ESRRG: variants seen among roughly 807,000 people sequenced by gnomAD.
ESRRG encodes estrogen related receptor gamma, also known as estrogen-related receptor gamma.
ESRRG carries 13 observed loss-of-function variants against 44.0 expected under a neutral mutation model. That is an observed-to-expected ratio of 0.30 (90% confidence interval 0.19 to 0.47). The LOEUF is 0.47. Among genes scored for constraint, ESRRG ranks in the 20% least tolerant of loss-of-function variants. ESRRG has a pLI of 1.00. For synonymous variants in ESRRG, 215 were observed against 214.6 expected (o/e 1.00, Z -0.02); for missense variants, 395 against 580.6 (o/e 0.68, Z 3.29).
chr1:216,527,930 G>A (rs1338284136), intron 5 of ESRRG, among the ~76,000 whole-genome samples: 3 of 152,086 alleles, frequency 2.0e-5, no homozygotes, highest in Non-Finnish European at 2.9e-5. Context: ...GTGGTTTGCT[G>A]TGTTCTAGAT....
At chr1:216,686,514 C>G (rs1279846441) in intron 1 of ESRRG, among the ~76,000 whole-genome samples, 1 of 149,738 alleles carries the variant, frequency 6.7e-6, no homozygotes, top group Non-Finnish European at 1.5e-5. Flanking sequence ...GTAGAAGCCA[C>G]TGAAAAGCCA....
chr1:217,042,169 T>A (rs192368936), intron 1 of ESRRG, among the ~76,000 whole-genome samples: 1 of 152,344 alleles, frequency 6.6e-6, no homozygotes, highest in Non-Finnish European at 1.5e-5. Context: ...CTATTTGTTT[T>A]TCTTGAATCA....
At chr1:216,813,060 C>G (rs540514866) in intron 2 of ESRRG, among the ~76,000 whole-genome samples, 1 of 152,212 alleles carries the variant, frequency 6.6e-6, no homozygotes, top group South Asian at 2.1e-4. Context: ...AGAGGAGTAA[C>G]TAGAATTAAG....
At chr1:217,005,739 T>G (rs2077654980) in intron 1 of ESRRG, among the ~76,000 whole-genome samples, 1 of 151,862 alleles carries the variant, frequency 6.6e-6, no homozygotes, top group African/African-American at 2.4e-5. Context: ...AAAAAATTTT[T>G]AATAGTAGGT....
chr1:216,744,055 T>TC (rs2091084173), intron 2 of ESRRG, among the ~76,000 whole-genome samples: 1 of 152,098 alleles, frequency 6.6e-6, no homozygotes, highest in Admixed American at 6.6e-5. Flanking sequence ...CCTCTTTTTA[T>TC]CTAAGTGATG....
intron 3 of ESRRG, among the ~76,000 whole-genome samples, chr1:216,575,387 C>T (rs145672107): frequency 1.3e-5 from 2 of 152,050 alleles, no homozygotes; most frequent in Non-Finnish European, 2.9e-5. Context: ...CAGTCTTTAA[C>T]TCATCATACC....
chr1:216,753,205 C>T (rs1045258062), intron 2 of ESRRG, among the ~76,000 whole-genome samples: 3 of 151,806 alleles, frequency 2.0e-5, no homozygotes, highest in African/African-American at 7.3e-5. Flanking sequence ...CAGAGTAGTA[C>T]CTGTCATTAG....
At chr1:216,726,306 A>G (rs910648122), upstream of ESRRG, among the ~76,000 whole-genome samples, 2 of 151,858 alleles carry the variant, frequency 1.3e-5, no homozygotes, top group African/African-American at 4.8e-5. Flanking sequence ...TACTGTCTTG[A>G]ATCCAGTTTA....
rs180695327 is a variant in ESRRG at position 216,865,481 on chromosome 1, A to C, written c.-14+74101T>G. Among the ~76,000 whole-genome samples, 48 of 152,074 alleles carry C rather than the reference A, an allele frequency of 3.2e-4. No individual in the cohort carries two copies. In the East Asian group the frequency reaches 8.3e-3, roughly 26 times the overall value. ...GAAACACATTTACAAAGTATGCTGT[A>C]GTGGGAACTAGCCAAGCTTCCTACC... On this transcript the variant is annotated intron_variant, in intron 2 of 7. Coordinates refer to the ESRRG transcript ENST00000359162.
intron 2 of ESRRG, among the ~76,000 whole-genome samples, chr1:216,740,215 C>A (rs1423954717): frequency 6.6e-6 from 1 of 152,160 alleles, no homozygotes; most frequent in African/African-American, 2.4e-5. Context: ...AAGGCTAAAT[C>A]AGTTTACAAA....
intron 1 of ESRRG, among the ~76,000 whole-genome samples, chr1:217,005,395 A>T (rs114746502): frequency 0.021 from 3,137 of 152,242 alleles, 47 homozygotes; most frequent in Middle Eastern, 0.068. Context: ...AAATGATTGG[A>T]GGTTTGCCCA....
chr1:216,818,169 A>C (rs148193337), intron 2 of ESRRG, among the ~76,000 whole-genome samples: 189 of 152,348 alleles, frequency 1.2e-3, no homozygotes, highest in Non-Finnish European at 2.2e-3. Flanking sequence ...AACCTCCTGA[A>C]ACAGCTTTTT....
At chr1:216,611,455 G>A (rs961710895) in intron 3 of ESRRG, among the ~76,000 whole-genome samples, 5 of 152,082 alleles carry the variant, frequency 3.3e-5, no homozygotes, top group East Asian at 3.9e-4. Context: ...TCTACTTAAT[G>A]TAACACACAT....
intron 2 of ESRRG, among the ~76,000 whole-genome samples, chr1:216,656,709 A>G (rs1299855615): frequency 6.6e-6 from 1 of 152,220 alleles, no homozygotes; most frequent in East Asian, 1.9e-4. Context: ...CCTGAATAAC[A>G]TCACTCCCAC....
intron 5 of ESRRG, among the ~76,000 whole-genome samples, chr1:216,536,604 G>T (rs1572508499): frequency 6.6e-6 from 1 of 151,956 alleles, no homozygotes; most frequent in South Asian, 2.1e-4. Context: ...TGTTGTGATG[G>T]TTTCTCTCTG....
rs1420730880 is a variant in ESRRG, at chr1:216,593,498, G to A, written c.590-25400C>T. Among the ~76,000 whole-genome samples the A allele has an allele frequency of 3.9e-5, 6 of 152,152 alleles. No homozygotes were observed. In the South Asian group the frequency reaches 1.0e-3, roughly 26 times the overall value. On this transcript the variant is annotated intron_variant, in intron 3 of 6. Transcript: ENST00000408911. ...CATCTAGGACAACTAGGCTAACCAC[G>A]GTTTAGAAGATTAGATTCTGATAAC...
intron 2 of ESRRG, among the ~76,000 whole-genome samples, chr1:216,761,430 A>G (rs1576261656): frequency 6.6e-6 from 1 of 152,042 alleles, no homozygotes; most frequent in African/African-American, 2.4e-5. Flanking sequence ...GTAATCTTAT[A>G]TCTTGACTCA....
intron 2 of ESRRG, among the ~76,000 whole-genome samples, chr1:216,754,721 T>C (rs2092335900): frequency 7.0e-6 from 1 of 142,048 alleles, no homozygotes; most frequent in South Asian, 2.2e-4. Context: ...TTTTTTTTTT[T>C]GCCACATTTT....
At chr1:216,637,805 A>G (rs955728528) in intron 3 of ESRRG, among the ~76,000 whole-genome samples, 8 of 152,058 alleles carry the variant, frequency 5.3e-5, no homozygotes, top group Non-Finnish European at 1.0e-4. Flanking sequence ...TTGGATACCA[A>G]TTGCTATATT....
Sources: allele counts gnomAD v4.1 joint callset (sites outside exome capture counted in the v4.1 genomes callset), GRCh38; gene constraint gnomAD v4.1.1; transcripts MANE v1.5; gene names NCBI Gene and HGNC (gene_info 2026-07-23, HGNC 2026-07-21).